Variants in MYH10 observed in about 807,000 individuals in gnomAD.
MYH10 encodes myosin-10.
MYH10 carries 55 observed loss-of-function variants against 257.8 expected under a neutral mutation model. That is an observed-to-expected ratio of 0.21 (90% CI 0.17 to 0.27). MYH10 has a LOEUF of 0.27. MYH10 is among the 10% of genes least tolerant of loss of function. The pLI is 1.00. For missense variants in MYH10, 1,631 were observed against 2,500.6 expected (o/e 0.65, Z 7.42); for synonymous variants, 854 against 921.7 (o/e 0.93, Z 1.33).
intron 2 of MYH10, among the ~76,000 whole-genome samples, chr17:8,614,508 A>G (rs7221332): frequency 0.36 from 54,623 of 151,356 alleles, 12,034 homozygotes; most frequent in African/African-American, 0.64. Context: ...TAGTAGAGAC[A>G]GGGTTTCACC....
At chr17:8,619,481 A>AG (rs1487613107) in intron 2 of MYH10, among the ~76,000 whole-genome samples, 1 of 152,130 alleles carries the variant, frequency 6.6e-6, no homozygotes, top group Non-Finnish European at 1.5e-5. Context: ...GGGAAATCCT[A>AG]GGGGGTCCAG....
intron 1 of MYH10, among the ~76,000 whole-genome samples, chr17:8,623,774 G>A (rs1359676332): frequency 6.6e-6 from 1 of 152,078 alleles, no homozygotes; most frequent in Non-Finnish European, 1.5e-5. Flanking sequence ...TCAGATAACA[G>A]ACTTAAAGTT....
At chr17:8,532,396 G>A (rs960676028) in intron 16 of MYH10, among the ~76,000 whole-genome samples, 6 of 152,198 alleles carry the variant, frequency 3.9e-5, no homozygotes, top group Non-Finnish European at 7.3e-5. Flanking sequence ...AGCTCAGCAA[G>A]GCTTACAGTT....
intron 7 of MYH10, among the ~76,000 whole-genome samples, chr17:8,559,433 T>C (rs889084598): frequency 5.9e-5 from 9 of 152,156 alleles, no homozygotes; most frequent in Non-Finnish European, 2.9e-5. Flanking sequence ...AATTAAAAGA[T>C]GAAGCAATAG....
rs981234527 is a variant in MYH10, at chr17:8,552,656, G to A, written c.821-512C>T. Reference sequence around the variant, plus strand: ...CTTGACTCCAAAATGCATGATGAGAGTGCCCACAATGCTACCCTATTGAAA... The same window carrying A: ...CTTGACTCCAAAATGCATGATGAGAATGCCCACAATGCTACCCTATTGAAA... On this transcript the variant is annotated intron_variant, in intron 8 of 42. Transcript: ENST00000360416. This position sits in a 1 kb window ranked among gnomAD's most constrained non-coding sequence, Gnocchi z 4.8. 3.3e-5 allele frequency among the ~76,000 whole-genome samples: 5 copies of A among 152,154 alleles called. No homozygotes were observed. Among genetic ancestry groups the A allele is most frequent in the Non-Finnish European group, 5.9e-5 (4 of 68,022 alleles).
At chr17:8,548,270 CA>C in intron 11 of MYH10, 42 bp downstream of exon 11, 1 of 1,486,966 alleles carries the variant, frequency 6.7e-7, no homozygotes, top group Admixed American at 1.8e-5. Flanking sequence ...GAGAGCACAA[CA>C]AGCCATCGAA....
At chr17:8,630,290 A>T (rs947841099) in intron 1 of MYH10, among the ~76,000 whole-genome samples, 7 of 144,914 alleles carry the variant, frequency 4.8e-5, no homozygotes, top group African/African-American at 1.8e-4. Flanking sequence ...CCTGGTCCTC[A>T]CGTCCCCACC....
In MYH10 at chr17:8,569,890, A is replaced by G. The variant is rs555007614; in HGVS notation, c.664-78T>C. 16 of 1,092,558 alleles carry G rather than the reference A, an allele frequency of 1.5e-5. No individual in the cohort carries two copies. In the African/African-American group the frequency reaches 2.6e-4, roughly 18 times the overall value. The allele number at this position is 1,092,558 out of a possible 1,614,324, so 67.7% of individuals were successfully genotyped here. A position where few individuals can be genotyped will look rare whatever the true frequency, so the allele number is the denominator to read the frequency against. ...TCTTTACTCAAGTCATCAGGGGAAAAATTTCTAAAAAAGAAACTGCATCTT... is the reference window on the plus strand; with the variant it reads ...TCTTTACTCAAGTCATCAGGGGAAAGATTTCTAAAAAAGAAACTGCATCTT... On this transcript the variant is annotated intron_variant, in intron 6 of 42. Transcript: ENST00000360416. This position sits in a 1 kb window ranked among gnomAD's most constrained non-coding sequence, Gnocchi z 4.1.
chr17:8,494,150 C>A (rs553588164), intron 31 of MYH10, among the ~76,000 whole-genome samples: 3 of 152,160 alleles, frequency 2.0e-5, no homozygotes, highest in African/African-American at 7.2e-5. Flanking sequence ...CAGGCATCCC[C>A]GAGGCCTCCC....
Position 8,504,883 on chromosome 17 carries a change from T to C in MYH10, c.3410A>G (p.Lys1137Arg). 6.2e-7 allele frequency: 1 copy of C among 1,614,214 alleles called. No homozygotes were observed. The highest frequency in any genetic ancestry group is 8.5e-7 in the Non-Finnish European group (1 of 1,180,028). ...TCGCACAACTTTAAGGGCATTGTTC[T>C]TATGGAGTGTTTCATCATCACCTCT... is the stretch of plus-strand genomic sequence containing the variant. ...LARGDDETLH[K>R]NNALKVVREL... The change falls in exon 28 of 43, where the codon AAG (lysine) becomes AGG (arginine). Residue 1137 changes from lysine to arginine, a missense_variant. Lys to Arg is a conservative substitution (Grantham distance 26). Coordinates refer to ENST00000360416, the MANE Select transcript of MYH10 (RefSeq NM_001256012.3). This position sits in a 1 kb window ranked among gnomAD's most constrained non-coding sequence, Gnocchi z 5.6.
intron 2 of MYH10, among the ~76,000 whole-genome samples, chr17:8,622,379 C>T (rs771831763): frequency 5.3e-5 from 8 of 152,316 alleles, no homozygotes; most frequent in Non-Finnish European, 8.8e-5. Flanking sequence ...AACCACAGGA[C>T]GACCCCAGCC....
chr17:8,586,389 A>G (rs2083919058), intron 4 of MYH10, among the ~76,000 whole-genome samples: 1 of 152,228 alleles, frequency 6.6e-6, no homozygotes, highest in Non-Finnish European at 1.5e-5. Flanking sequence ...CATAAACAGT[A>G]TAAGAAGGAC....
Position 8,545,463 on chromosome 17 carries a change from T to C in MYH10, c.1416A>G (p.Gly472=), listed in dbSNP as rs185168289. ...GGAAGAATACCTCAAAAATTTCAAA[T>C]CCAGCAATATCCAGGATTCCAATGA... is the stretch of plus-strand genomic sequence containing the variant. ...ASFIGILDIA[G]FEIFELNSFE... The change falls in exon 13 of 43, where the codon GGA becomes GGG. Residue 472 remains glycine (G), a synonymous_variant. Coordinates refer to ENST00000360416, the MANE Select transcript of MYH10 (RefSeq NM_001256012.3). The surrounding 1 kb of genome is among the most constrained non-coding windows in gnomAD (Gnocchi z 4.7). The C allele has an allele frequency of 5.5e-5, 89 of 1,612,572 alleles. No homozygotes were observed. The Admixed American group carries it at 1.4e-3, about 25-fold the overall frequency.
chr17:8,514,046 C>A (rs2081382941), intron 21 of MYH10, 152 bp from the exon 22 acceptor site: 4 of 729,478 alleles, frequency 5.5e-6, no homozygotes, highest in Non-Finnish European at 8.9e-6. Context: ...CACAAGGAAG[C>A]CGTTCTGGCC....
intron 31 of MYH10, among the ~76,000 whole-genome samples, chr17:8,494,169 T>TC (rs1198628980): frequency 6.6e-6 from 1 of 151,282 alleles, no homozygotes; most frequent in Non-Finnish European, 1.5e-5. Context: ...CCCTCCTGCG[T>TC]CCCCCACCAC....
chr17:8,493,891 T>G lies in MYH10; in HGVS notation c.4057-6A>C. On this transcript the variant is annotated splice_region_variant and splice_polypyrimidine_tract_variant and intron_variant, in intron 31 of 42. Coordinates refer to ENST00000360416, the MANE Select transcript of MYH10 (RefSeq NM_001256012.3). Reference sequence around the variant, plus strand: ...GTCTCCTCCTGAAGAAGCTCCTGTGTTTTTTTTTTAAAGGGCAACACTTCC... The same window carrying G: ...GTCTCCTCCTGAAGAAGCTCCTGTGGTTTTTTTTTAAAGGGCAACACTTCC... The G allele has an allele frequency of 6.8e-7, 1 of 1,478,842 alleles. No individual in the cohort carries two copies. The allele number at this position is 1,478,842 out of a possible 1,614,324, so 91.6% of individuals were successfully genotyped here. A position where few individuals can be genotyped will look rare whatever the true frequency, so the allele number is the denominator to read the frequency against.
At chr17:8,601,943 G>A (rs1337265042) in intron 3 of MYH10, among the ~76,000 whole-genome samples, 2 of 151,834 alleles carry the variant, frequency 1.3e-5, no homozygotes, top group African/African-American at 2.4e-5. Context: ...AAACTAGGAA[G>A]GATGATAAAT....
At chr17:8,499,676 C>T (rs892896121) in intron 29 of MYH10, among the ~76,000 whole-genome samples, 200 bp from the exon 30 acceptor site, 3 of 152,100 alleles carry the variant, frequency 2.0e-5, no homozygotes, top group East Asian at 1.9e-4. Flanking sequence ...CACACTGCTC[C>T]GAGGAGCAGA....
chr17:8,570,836 C>T lies in MYH10; in HGVS notation c.664-1024G>A, dbSNP rs1017349728. On this transcript the variant is annotated intron_variant, in intron 6 of 42. Coordinates refer to ENST00000360416, the MANE Select transcript of MYH10 (RefSeq NM_001256012.3). ...AAAAAAAGAACAAATATATGTCATC[C>T]GTACAGTTCTGTCACGCCGCCCTGG... Among the ~76,000 whole-genome samples the T allele has an allele frequency of 7.9e-5, 12 of 152,228 alleles. No individual in the cohort carries two copies. The South Asian group carries it at 1.7e-3, about 21-fold the overall frequency.
Sources: allele counts gnomAD v4.1 joint callset (sites outside exome capture counted in the v4.1 genomes callset), GRCh38; gene constraint gnomAD v4.1.1; non-coding constraint Gnocchi (gnomAD v3.1); transcripts MANE v1.5; gene names NCBI Gene and HGNC (gene_info 2026-07-23, HGNC 2026-07-21).